The following GPC6 variants were observed in gnomAD, a reference collection of about 807,000 sequenced individuals.
GPC6 encodes the protein glypican-6.
Under a neutral mutation model 55.2 loss-of-function variants are expected in GPC6, and 14 were observed. That is an observed-to-expected ratio of 0.25 (90% CI 0.17 to 0.40). GPC6 has a LOEUF of 0.40. Among genes scored for constraint, GPC6 ranks in the 10% least tolerant of loss-of-function variants. GPC6 has a pLI of 1.00. For missense variants in GPC6, 641 were observed against 708.5 expected, an observed-to-expected ratio of 0.90 and a Z score of 1.08; for synonymous variants, 278 against 259.6, an observed-to-expected ratio of 1.07 and a Z score of -0.68.
At chr13:93,595,956 A>G (rs138646566) in intron 2 of GPC6, among the ~76,000 whole-genome samples, 69 of 152,350 alleles carry the variant, frequency 4.5e-4, no homozygotes, top group African/African-American at 1.6e-3. Flanking sequence ...ATTTTTGAAT[A>G]TGTACATTCA....
At chr13:94,286,302 C>A in intron 4 of GPC6, 47 bp from the exon 5 acceptor site, 2 of 1,607,984 alleles carry the variant, frequency 1.2e-6, no homozygotes, top group Non-Finnish European at 1.7e-6. Flanking sequence ...GGTTGGGAAC[C>A]TGGAGCTCCC....
chr13:93,996,221 T>G (rs1394230933), intron 3 of GPC6, among the ~76,000 whole-genome samples: 1 of 152,166 alleles, frequency 6.6e-6, no homozygotes, highest in African/African-American at 2.4e-5. Context: ...TAATGGTGAT[T>G]GTGTAATTAA....
chr13:93,295,018 C>T (rs1878437060), intron 1 of GPC6, among the ~76,000 whole-genome samples: 1 of 150,332 alleles, frequency 6.7e-6, no homozygotes, highest in Admixed American at 6.7e-5. Context: ...TGCCTGTAAT[C>T]CCAGAATGTT....
chr13:93,229,764 A>C (rs7993454), intron 1 of GPC6, among the ~76,000 whole-genome samples: 1 of 151,940 alleles, frequency 6.6e-6, no homozygotes, highest in African/African-American at 2.4e-5. Flanking sequence ...GCATACTGTT[A>C]ACTTTGCTTT....
chr13:94,324,311 T>TAAAA (rs76342753), intron 6 of GPC6, among the ~76,000 whole-genome samples: 3 of 107,250 alleles, frequency 2.8e-5, no homozygotes, highest in Admixed American at 9.5e-5. Flanking sequence ...ATGAAAGCCT[T>TAAAA]AAAAAAAAAA....
chr13:94,133,958 A>T (rs1887095903), intron 4 of GPC6, among the ~76,000 whole-genome samples: 1 of 152,198 alleles, frequency 6.6e-6, no homozygotes, highest in South Asian at 2.1e-4. Context: ...AGCCACACTA[A>T]AAAACAAGTT....
chr13:93,235,206 C>T (rs1480542882), intron 1 of GPC6, among the ~76,000 whole-genome samples: 1 of 151,944 alleles, frequency 6.6e-6, no homozygotes, highest in Non-Finnish European at 1.5e-5. Context: ...TTAATTGGAG[C>T]CTTGAAGGAT....
intron 4 of GPC6, among the ~76,000 whole-genome samples, chr13:94,114,754 A>G (rs931386747): frequency 1.5e-4 from 23 of 152,178 alleles, no homozygotes; most frequent in Admixed American, 1.2e-3. Context: ...AACCAAAATA[A>G]TCAGAAGAGA....
At chr13:93,515,833 A>G (rs1282484982) in intron 1 of GPC6, among the ~76,000 whole-genome samples, 1 of 152,160 alleles carries the variant, frequency 6.6e-6, no homozygotes, top group Non-Finnish European at 1.5e-5. Flanking sequence ...AGGATCCACA[A>G]ATGAAGTACT....
At chr13:93,633,472 C>G (rs1228173407) in intron 2 of GPC6, among the ~76,000 whole-genome samples, 2 of 151,898 alleles carry the variant, frequency 1.3e-5, no homozygotes, top group Non-Finnish European at 2.9e-5. Flanking sequence ...ATGGTGAAAA[C>G]CCGTCTCTAC....
Position 94,168,906 on chromosome 13 carries a change from T to C in GPC6, c.878-117443T>C, listed in dbSNP as rs1462702882. Reference sequence around the variant, plus strand: ...CCCTGGTGAAGACTGGAATGTTATGTGTCTCCATATGGTAAAATAATGCAA... The same window carrying C: ...CCCTGGTGAAGACTGGAATGTTATGCGTCTCCATATGGTAAAATAATGCAA... On this transcript the variant is annotated intron_variant, in intron 4 of 8. Coordinates refer to ENST00000377047, the MANE Select transcript of GPC6 (RefSeq NM_005708.5). 2.6e-5 allele frequency among the ~76,000 whole-genome samples: 4 copies of C among 152,080 alleles called. No individual in the cohort carries two copies. In the East Asian group the frequency reaches 7.7e-4, roughly 29 times the overall value.
chr13:93,802,577 G>GT (rs890456383), intron 2 of GPC6, among the ~76,000 whole-genome samples: 8 of 151,852 alleles, frequency 5.3e-5, no homozygotes, highest in Admixed American at 1.3e-4. Context: ...GTGTTTGTTT[G>GT]TTTTTTTGTA....
intron 1 of GPC6, among the ~76,000 whole-genome samples, chr13:93,402,479 G>A (rs1045553846): frequency 5.3e-5 from 8 of 152,068 alleles, no homozygotes; most frequent in African/African-American, 1.9e-4. Flanking sequence ...TTTATCTCTA[G>A]TATTCAATGA....
At chr13:94,235,746 T>C (rs192734480) in intron 4 of GPC6, among the ~76,000 whole-genome samples, 11 of 152,290 alleles carry the variant, frequency 7.2e-5, no homozygotes, top group Non-Finnish European at 1.5e-4. Flanking sequence ...CCTTCAACTC[T>C]TTGGGTAAAA....
intron 4 of GPC6, among the ~76,000 whole-genome samples, chr13:94,240,145 C>T (rs913561363): frequency 6.6e-6 from 1 of 151,968 alleles, no homozygotes; most frequent in African/African-American, 2.4e-5. Context: ...AAAAAGTTCC[C>T]CCTCTCCTGC....
rs1885504382 is a variant in GPC6, at chr13:94,092,064, A to G, written c.877+64170A>G. Among the ~76,000 whole-genome samples, 4 of 143,296 alleles carry G rather than the reference A, an allele frequency of 2.8e-5. No individual in the cohort carries two copies. In the Admixed American group the frequency reaches 3.0e-4, roughly 11 times the overall value. 94.0% of individuals were successfully genotyped at this position (143,296 alleles called of 152,430 possible). A position where few individuals can be genotyped will look rare whatever the true frequency, so the allele number is the denominator to read the frequency against. Reference sequence around the variant, plus strand: ...GCATATACAATGTGAAATGATTTTCATGATTAAGGCAATTCACACATCCAT... The same window carrying G: ...GCATATACAATGTGAAATGATTTTCGTGATTAAGGCAATTCACACATCCAT... On this transcript the variant is annotated intron_variant, in intron 4 of 8. Transcript: ENST00000377047.
At chr13:93,586,773 T>C (rs992082) in intron 2 of GPC6, among the ~76,000 whole-genome samples, 9,584 of 152,210 alleles carry the variant, frequency 0.063, 965 homozygotes, top group African/African-American at 0.21. Flanking sequence ...AATACAAGAC[T>C]AGTTTCATAG....
intron 3 of GPC6, among the ~76,000 whole-genome samples, chr13:93,978,586 C>CAT (rs1470878795): frequency 6.6e-6 from 1 of 152,114 alleles, no homozygotes; most frequent in African/African-American, 2.4e-5. Context: ...CACATATACA[C>CAT]ATATATACAT....
At chr13:93,628,776 A>G (rs945023600) in intron 2 of GPC6, among the ~76,000 whole-genome samples, 4 of 152,212 alleles carry the variant, frequency 2.6e-5, no homozygotes, top group African/African-American at 9.6e-5. Context: ...AATATTTTAA[A>G]TATATCATTT....
Sources: allele counts gnomAD v4.1 joint callset (sites outside exome capture counted in the v4.1 genomes callset), GRCh38; gene constraint gnomAD v4.1.1; transcripts MANE v1.5; gene names NCBI Gene and HGNC (gene_info 2026-07-23, HGNC 2026-07-21).